Variants in GTF2H1 observed in about 807,000 individuals in gnomAD.
GTF2H1 encodes general transcription factor IIH subunit 1.
Under a neutral mutation model 71.2 loss-of-function variants are expected in GTF2H1, and 16 were observed. The observed-to-expected ratio is 0.22, with a 90% CI of 0.15 to 0.34. The LOEUF (loss-of-function observed/expected upper bound fraction) is 0.34. GTF2H1 is among the 10% of genes least tolerant of loss of function. The pLI, the probability that GTF2H1 is intolerant of heterozygous loss-of-function variation, is 1.00. For missense variants in GTF2H1, 498 were observed against 648.2 expected, an observed-to-expected ratio of 0.77 and a Z score of 2.52; for synonymous variants, 215 against 219.0, an observed-to-expected ratio of 0.98 and a Z score of 0.16.
intron 7 of GTF2H1, chr11:18,346,997 C>T (rs1239587297): frequency 2.0e-5 from 3 of 150,940 alleles, no homozygotes; most frequent in Non-Finnish European, 4.4e-5. Context: ...ACCTTGGCCT[C>T]CCAGAGTGCT....
chr11:18,348,096 C>G (rs1388992877), intron 9 of GTF2H1, 177 bp downstream of exon 9: 1 of 616,774 alleles, frequency 1.6e-6, no homozygotes, highest in Non-Finnish European at 2.9e-6. Flanking sequence ...GGCTTGCCAG[C>G]CAACTTTCCA....
intron 9 of GTF2H1, among the ~76,000 whole-genome samples, chr11:18,349,678 A>G (rs1440148623): frequency 2.0e-5 from 3 of 152,060 alleles, no homozygotes; most frequent in African/African-American, 7.3e-5. Flanking sequence ...GCAAGACTCC[A>G]TCTCAAAGAA....
Position 18,338,192 on chromosome 11 carries a change from C to A in GTF2H1, c.431C>A (p.Ala144Asp). The change falls in exon 4 of 15, where the codon GCC (alanine) becomes GAC (aspartate). Residue 144 changes from alanine (A) to aspartate (D), a missense_variant. Around this residue, in one of 3 missense-constraint regions of GTF2H1, gnomAD observed 216 missense variants for 306.2 expected, o/e 0.71. Transcript: ENST00000265963. ...SQVISAEEFW[A>D]NRLNVNATDS... ...GTGATCAGTGCTGAGGAATTCTGGG[C>A]CAATCGTTTAAATGTGAATGCAACA... The A allele has an allele frequency of 6.2e-7, 1 of 1,606,222 alleles. No individual in the cohort carries two copies. The highest frequency in any genetic ancestry group is 8.5e-7 in the Non-Finnish European group (1 of 1,172,796).
chr11:18,334,257 G>A (rs1231755263), intron 2 of GTF2H1, among the ~76,000 whole-genome samples: 1 of 152,150 alleles, frequency 6.6e-6, no homozygotes, highest in African/African-American at 2.4e-5. Flanking sequence ...GCGGGCGCCT[G>A]TAGTCCCAGC....
intron 2 of GTF2H1, among the ~76,000 whole-genome samples, chr11:18,334,843 A>G (rs4150574): frequency 0.033 from 5,046 of 152,226 alleles, 270 homozygotes; most frequent in African/African-American, 0.11. Context: ...GTGCACTTTT[A>G]TTGCTTGTAA....
intron 13 of GTF2H1, among the ~76,000 whole-genome samples, chr11:18,359,418 CCTA>C (rs546579114): frequency 6.6e-6 from 1 of 152,072 alleles, no homozygotes; most frequent in Non-Finnish European, 1.5e-5. Flanking sequence ...ATTTTTTTCA[CCTA>C]CTAATTTGCA....
chr11:18,343,174 G>A (rs553049903), intron 7 of GTF2H1, among the ~76,000 whole-genome samples: 2 of 152,278 alleles, frequency 1.3e-5, no homozygotes, highest in East Asian at 1.9e-4. Context: ...CACCCACCTC[G>A]GCCTCCCAAA....
Position 18,347,911 on chromosome 11 carries a change from G to A in GTF2H1, c.1045G>A (p.Val349Ile). 1 of 1,611,920 alleles carries A rather than the reference G, an allele frequency of 6.2e-7. No homozygotes were observed. Among genetic ancestry groups the A allele is most frequent in the Admixed American group, 1.7e-5 (1 of 60,018 alleles). ...AGATGCAGACTGCTTTCAGCCAGCA[G>A]TCAAAAGGGTATGGGCAAAAAAATA... is the stretch of plus-strand genomic sequence containing the variant. ...SGDADCFQPA[V>I]KRAKLQESIE... is the part of the protein sequence containing the mutation. The change falls in exon 9 of 15, where the codon GTC (valine) becomes ATC (isoleucine). Residue 349 changes from valine to isoleucine, a missense_variant. Around this residue, in one of 3 missense-constraint regions of GTF2H1, gnomAD observed 266 missense variants for 301.6 expected, o/e 0.88. Coordinates refer to ENST00000265963, the MANE Select transcript of GTF2H1 (RefSeq NM_005316.4).
chr11:18,331,500 C>G (rs1245110637), intron 1 of GTF2H1, among the ~76,000 whole-genome samples: 1 of 152,102 alleles, frequency 6.6e-6, no homozygotes, highest in Non-Finnish European at 1.5e-5. Flanking sequence ...AACCCCGTCT[C>G]TACCAAAAAT....
chr11:18,356,922 CT>C (rs1171295227), intron 11 of GTF2H1, among the ~76,000 whole-genome samples: 1 of 151,574 alleles, frequency 6.6e-6, no homozygotes, highest in African/African-American at 2.4e-5. Context: ...TCCCAAGTAG[CT>C]AGGACTACAG....
At chr11:18,350,874 G>A (rs1301542792) in intron 9 of GTF2H1, among the ~76,000 whole-genome samples, 1 of 152,158 alleles carries the variant, frequency 6.6e-6, no homozygotes, top group Non-Finnish European at 1.5e-5. Context: ...ATTTAAGCAG[G>A]TTGTTAATAG....
At chr11:18,360,745 T>TCTA (rs1165072653) in intron 14 of GTF2H1, 38 bp downstream of exon 14, 1 of 1,022,698 alleles carries the variant, frequency 9.8e-7, no homozygotes, top group East Asian at 2.6e-5. Flanking sequence ...ATCTTCTTTC[T>TCTA]CTTTGTAGTA....
At chr11:18,348,009 G>T in intron 9 of GTF2H1, 90 bp downstream of exon 9, 1 of 837,130 alleles carries the variant, frequency 1.2e-6, no homozygotes. Context: ...TATTTCCTGT[G>T]ACTCAGTTCT....
At chr11:18,353,379 C>T (rs1027507620) in intron 11 of GTF2H1, among the ~76,000 whole-genome samples, 1 of 152,346 alleles carries the variant, frequency 6.6e-6, no homozygotes, top group East Asian at 1.9e-4. Context: ...GCCCACTACT[C>T]GAGTCTCATC....
intron 5 of GTF2H1, 47 bp from the exon 6 acceptor site, chr11:18,341,214 T>TAA: frequency 6.6e-7 from 1 of 1,522,456 alleles, no homozygotes; most frequent in East Asian, 2.3e-5. Context: ...TGAGAGGTTT[T>TAA]AAAAATGGAA....
rs542498273 is a variant in GTF2H1, at chr11:18,353,803, C to G, written c.1260+1357C>G. The stretch of plus-strand genomic sequence containing the variant: ...TCCAACCCATTTTGAGAGAAGGTTA[C>G]AGGCATAATTTCCCTTTACCCCTAA... On this transcript the variant is annotated intron_variant, in intron 11 of 14. Transcript: ENST00000265963. 3.3e-5 allele frequency among the ~76,000 whole-genome samples: 5 copies of G among 152,282 alleles called. No individual in the cohort carries two copies. In the South Asian group the frequency reaches 8.3e-4, roughly 25 times the overall value.
At chr11:18,358,067 A>G (rs987545802) in intron 12 of GTF2H1, 25 bp downstream of exon 12, 4 of 1,531,902 alleles carry the variant, frequency 2.6e-6, no homozygotes, top group Non-Finnish European at 3.6e-6. Context: ...ATCTTCTACT[A>G]CTTTCTGCCT....
intron 13 of GTF2H1, 42 bp downstream of exon 13, chr11:18,358,682 G>A: frequency 8.3e-7 from 1 of 1,211,464 alleles, no homozygotes; most frequent in Non-Finnish European, 1.2e-6. Flanking sequence ...TTGTGGTAGT[G>A]ACTTACAAGA....
At chr11:18,350,438 TAA>T (rs5790034) in intron 9 of GTF2H1, among the ~76,000 whole-genome samples, 15 of 149,442 alleles carry the variant, frequency 1.0e-4, no homozygotes, top group East Asian at 1.9e-4. Flanking sequence ...AGAAAGTAGT[TAA>T]AAAAAAAAAA....
Sources: allele counts gnomAD v4.1 joint callset (sites outside exome capture counted in the v4.1 genomes callset), GRCh38; gene constraint gnomAD v4.1.1; regional missense constraint gnomAD v4.1.1; transcripts MANE v1.5; gene names NCBI Gene and HGNC (gene_info 2026-07-23, HGNC 2026-07-21).